The following NKAIN3 variants were observed in gnomAD, a reference collection of about 807,000 sequenced individuals.
The protein encoded by NKAIN3 is sodium/potassium-transporting ATPase subunit beta-1-interacting protein 3.
A neutral mutation model predicts 30.2 loss-of-function variants in NKAIN3; 25 were observed. The observed-to-expected ratio is 0.83, with a 90% CI of 0.60 to 1.16. The LOEUF (loss-of-function observed/expected upper bound fraction) is 1.16. Among genes scored for constraint, NKAIN3 ranks in the 50% most tolerant of loss-of-function variants. The probability of loss-of-function intolerance (pLI) is 0.00; values close to 1 mark genes in which losing one functional copy is unlikely to be tolerated. For synonymous variants in NKAIN3, 91 were observed against 89.6 expected, an observed-to-expected ratio of 1.02 and a Z score of -0.09; for missense variants, 225 against 254.1, an observed-to-expected ratio of 0.89 and a Z score of 0.78.
At chr8:62,571,977 C>T (rs994644143) in intron 1 of NKAIN3, among the ~76,000 whole-genome samples, 1 of 152,138 alleles carries the variant, frequency 6.6e-6, no homozygotes, top group African/African-American at 2.4e-5. Flanking sequence ...GACATTTTCC[C>T]CATTGTCTTG....
intron 4 of NKAIN3, among the ~76,000 whole-genome samples, chr8:62,900,260 T>G (rs1821569526): frequency 6.6e-6 from 1 of 152,272 alleles, no homozygotes; most frequent in East Asian, 1.9e-4. Flanking sequence ...AGAAAAATGC[T>G]TTTAAAAGCT....
intron 4 of NKAIN3, among the ~76,000 whole-genome samples, chr8:62,870,637 T>TTA (rs1554586626): frequency 1.3e-4 from 13 of 96,856 alleles, no homozygotes; most frequent in Admixed American, 4.9e-4. Context: ...AAACTCTATT[T>TTA]TATATATATA....
chr8:62,805,223 T>C (rs1349120928), intron 4 of NKAIN3, among the ~76,000 whole-genome samples: 2 of 151,864 alleles, frequency 1.3e-5, no homozygotes, highest in African/African-American at 2.4e-5. Flanking sequence ...ATGGCCATAC[T>C]GCCCAAGGTA....
chr8:62,991,046 G>C (rs1392571269), intron 5 of NKAIN3: 1 of 152,268 alleles, frequency 6.6e-6, no homozygotes, highest in Non-Finnish European at 1.5e-5. Flanking sequence ...AACCTCAGGA[G>C]ATGCCTTCCA....
At chr8:62,903,048 C>T (rs1042185432) in intron 4 of NKAIN3, among the ~76,000 whole-genome samples, 2 of 152,294 alleles carry the variant, frequency 1.3e-5, no homozygotes, top group East Asian at 1.9e-4. Context: ...TAGAGGCCAG[C>T]GAATCATTTG....
chr8:62,468,563 C>G (rs1806230680), intron 1 of NKAIN3, among the ~76,000 whole-genome samples: 1 of 152,336 alleles, frequency 6.6e-6, no homozygotes, highest in Non-Finnish European at 1.5e-5. Context: ...GACAAGATTA[C>G]AGTTGCCAGT....
intron 1 of NKAIN3, among the ~76,000 whole-genome samples, chr8:62,403,030 T>C (rs7837277): frequency 0.032 from 4,899 of 152,276 alleles, 303 homozygotes; most frequent in African/African-American, 0.11. Flanking sequence ...GATAGTGATA[T>C]GGACAATGAA....
At chr8:62,947,311 G>A (rs139864696) in intron 5 of NKAIN3, among the ~76,000 whole-genome samples, 3 of 152,186 alleles carry the variant, frequency 2.0e-5, no homozygotes, top group East Asian at 1.9e-4. Flanking sequence ...CCGCACTCCC[G>A]TGACATCTGC....
At chr8:62,543,976 G>T (rs1018619429) in intron 1 of NKAIN3, among the ~76,000 whole-genome samples, 2 of 151,952 alleles carry the variant, frequency 1.3e-5, no homozygotes, top group Non-Finnish European at 2.9e-5. Flanking sequence ...TAATCAAAGG[G>T]AATTGCTGCT....
intron 1 of NKAIN3, among the ~76,000 whole-genome samples, chr8:62,342,668 T>G (rs912081620): frequency 6.6e-6 from 1 of 152,054 alleles, no homozygotes; most frequent in African/African-American, 2.4e-5. Flanking sequence ...GGGCTTCTCT[T>G]TTATTGAAGT....
rs193044671 is a variant in NKAIN3, at chr8:62,797,084, A to G, written c.471+49955A>G. Among the ~76,000 whole-genome samples the G allele has an allele frequency of 1.8e-4, 27 of 152,294 alleles. No homozygotes were observed. The East Asian group carries it at 5.2e-3, about 29-fold the overall frequency. On this transcript the variant is annotated intron_variant, in intron 4 of 6. Coordinates refer to ENST00000623646, the MANE Select transcript of NKAIN3 (RefSeq NM_001304533.3). ...TATTGTTTCTTCTGTATGTGACTTGATCTTTATTCTCTGTAAAAAGCAGAA... is the reference window on the plus strand; with the variant it reads ...TATTGTTTCTTCTGTATGTGACTTGGTCTTTATTCTCTGTAAAAAGCAGAA...
intron 4 of NKAIN3, among the ~76,000 whole-genome samples, chr8:62,750,873 C>G (rs1253328338): frequency 6.6e-6 from 1 of 152,140 alleles, no homozygotes; most frequent in East Asian, 1.9e-4. Context: ...TCTGTGCCCA[C>G]TGCCCGTCTC....
At chr8:62,339,707 T>A (rs1162788748) in intron 1 of NKAIN3, among the ~76,000 whole-genome samples, 2 of 152,058 alleles carry the variant, frequency 1.3e-5, no homozygotes, top group African/African-American at 4.8e-5. Flanking sequence ...AAAATGGTAA[T>A]AATTCCTAAG....
At chr8:62,500,005 C>A (rs1807375337) in intron 1 of NKAIN3, among the ~76,000 whole-genome samples, 1 of 152,074 alleles carries the variant, frequency 6.6e-6, no homozygotes, top group Admixed American at 6.6e-5. Flanking sequence ...TCAGACCTAG[C>A]ATTTTAAGGT....
intron 5 of NKAIN3, among the ~76,000 whole-genome samples, chr8:62,936,918 A>G (rs180961006): frequency 7.2e-5 from 11 of 152,274 alleles, no homozygotes; most frequent in African/African-American, 2.6e-4. Context: ...GCTTAAAGTA[A>G]GAAATTCTGT....
intron 4 of NKAIN3, among the ~76,000 whole-genome samples, chr8:62,816,581 C>T (rs1818688344): frequency 6.6e-6 from 1 of 152,080 alleles, no homozygotes; most frequent in African/African-American, 2.4e-5. Context: ...GCTCCTTCTG[C>T]TCTGGGGGAA....
At chr8:62,543,510 C>T (rs975913360) in intron 1 of NKAIN3, among the ~76,000 whole-genome samples, 11 of 152,088 alleles carry the variant, frequency 7.2e-5, no homozygotes, top group African/African-American at 1.7e-4. Context: ...CCATAGAAGA[C>T]GCTATAAATC....
intron 1 of NKAIN3, among the ~76,000 whole-genome samples, chr8:62,446,942 A>G (rs1356344105): frequency 6.6e-6 from 1 of 152,086 alleles, no homozygotes; most frequent in Non-Finnish European, 1.5e-5. Context: ...GCTTTCATGT[A>G]TATCTATATA....
chr8:62,420,096 G>A (rs992378627), intron 1 of NKAIN3, among the ~76,000 whole-genome samples: 1 of 152,132 alleles, frequency 6.6e-6, no homozygotes, highest in African/African-American at 2.4e-5. Context: ...CTTTTAGCTA[G>A]CACCAACATA....
Sources: allele counts gnomAD v4.1 joint callset (sites outside exome capture counted in the v4.1 genomes callset), GRCh38; gene constraint gnomAD v4.1.1; transcripts MANE v1.5; gene names NCBI Gene and HGNC (gene_info 2026-07-23, HGNC 2026-07-21).